Variants in CSMD1 observed in about 807,000 individuals in gnomAD.
CSMD1 encodes the protein CUB and Sushi multiple domains 1, also known as CUB and sushi domain-containing protein 1.
CSMD1 carries 213 observed loss-of-function variants against 417.5 expected under a neutral mutation model. That is an observed-to-expected ratio of 0.51 (90% CI 0.46 to 0.57). The LOEUF is 0.57. Among genes scored for constraint, CSMD1 ranks in the 20% least tolerant of loss-of-function variants. The pLI, the probability that CSMD1 is intolerant of heterozygous loss-of-function variation, is 0.00. For missense variants in CSMD1, 6,923 were observed against 4,529.7 expected (o/e 1.53, Z -15.17); for synonymous variants, 2,862 against 1,736.8 (o/e 1.65, Z -16.11).
In CSMD1 at chr8:3,087,080, G is replaced by A. The variant is rs753217965; in HGVS notation, c.7474+17C>T. ...ATACACAGGAAACAAGGCTGGGGAT[G>A]AAAACGCATTTCTTACCCTGGCAGA... On this transcript the variant is annotated intron_variant, in intron 49 of 69. Transcript: ENST00000635120. 1.2e-6 allele frequency: 2 copies of A among 1,607,964 alleles called. No individual in the cohort carries two copies. The highest frequency in any genetic ancestry group is 1.1e-5 in the South Asian group (1 of 90,896).
rs114591376 is a variant in CSMD1, at chr8:3,842,282, G to C, written c.819-88240C>G. Among the ~76,000 whole-genome samples the C allele has an allele frequency of 3.7e-3, 567 of 152,050 alleles. 3 individuals are homozygous for C. The highest frequency in any genetic ancestry group is 0.013 in the African/African-American group (531 of 41,486). ...AAACTAATTCCCAATCTTCTTATGAGGTTCTTTCACTTTTCATTCCAGTAG... is the reference window on the plus strand; with the variant it reads ...AAACTAATTCCCAATCTTCTTATGACGTTCTTTCACTTTTCATTCCAGTAG... On this transcript the variant is annotated intron_variant, in intron 5 of 69. Coordinates refer to ENST00000635120, the MANE Select transcript of CSMD1 (RefSeq NM_033225.6).
At chr8:4,947,970 T>A (rs1808478520) in intron 1 of CSMD1, among the ~76,000 whole-genome samples, 2 of 152,088 alleles carry the variant, frequency 1.3e-5, no homozygotes, top group Non-Finnish European at 1.5e-5. Flanking sequence ...TTTTTTAAGA[T>A]ATCCATAAAA....
At chr8:3,275,643 T>C (rs948790923) in intron 26 of CSMD1, among the ~76,000 whole-genome samples, 1 of 152,192 alleles carries the variant, frequency 6.6e-6, no homozygotes. Context: ...TATTCTTTTT[T>C]CTCTAAACTT....
chr8:3,988,071 A>T (rs909168281), intron 5 of CSMD1, among the ~76,000 whole-genome samples: 1 of 152,226 alleles, frequency 6.6e-6, no homozygotes, highest in Admixed American at 6.5e-5. Context: ...CTAAAAACAT[A>T]GGGAAGCTGT....
chr8:4,364,299 T>C (rs1025604137), intron 3 of CSMD1, among the ~76,000 whole-genome samples: 1 of 152,152 alleles, frequency 6.6e-6, no homozygotes, highest in Admixed American at 6.5e-5. Context: ...AAGGGGAACA[T>C]TAAGGTCCTC....
Position 3,714,045 on chromosome 8 carries a change from T to TAGATAGATAGATAGAC in CSMD1, c.932-5555_932-5554insGTCTATCTATCTATCT, listed in dbSNP as rs1554519414. 2.3e-3 allele frequency among the ~76,000 whole-genome samples: 350 copies of TAGATAGATAGATAGAC among 151,428 alleles called. 1 individual carries two copies. The highest frequency in any genetic ancestry group is 3.0e-3 in the Non-Finnish European group (204 of 67,848). On this transcript the variant is annotated intron_variant, in intron 6 of 69. Coordinates refer to ENST00000635120, the MANE Select transcript of CSMD1 (RefSeq NM_033225.6). ...CTATGCAGATAGATAGATAGATAGA[T>TAGATAGATAGATAGAC]AGATAGATAGATAGATGTCCACATA...
intron 3 of CSMD1, among the ~76,000 whole-genome samples, chr8:4,355,997 C>G (rs1462432901): frequency 6.6e-6 from 1 of 152,096 alleles, no homozygotes; most frequent in African/African-American, 2.4e-5. Context: ...TATTGGGGTA[C>G]ATGTGGCATT....
chr8:3,898,776 C>G (rs879197144), intron 5 of CSMD1, among the ~76,000 whole-genome samples: 1 of 152,082 alleles, frequency 6.6e-6, no homozygotes, highest in Non-Finnish European at 1.5e-5. Context: ...TTGAGGAAGA[C>G]CTTCTCTAAA....
intron 1 of CSMD1, among the ~76,000 whole-genome samples, chr8:4,848,571 C>A (rs1471307317): frequency 1.3e-5 from 2 of 151,344 alleles, no homozygotes; most frequent in African/African-American, 4.9e-5. Flanking sequence ...CGGAGTCTCA[C>A]TCTGTCACCC....
chr8:4,915,266 C>A (rs1805973312), intron 1 of CSMD1, among the ~76,000 whole-genome samples: 1 of 152,036 alleles, frequency 6.6e-6, no homozygotes, highest in Non-Finnish European at 1.5e-5. Flanking sequence ...CACAAATACT[C>A]CAATTCATAG....
At chr8:4,719,386 T>C (rs1199842371) in intron 1 of CSMD1, among the ~76,000 whole-genome samples, 1 of 152,184 alleles carries the variant, frequency 6.6e-6, no homozygotes, top group Non-Finnish European at 1.5e-5. Context: ...TTTCTCTCCC[T>C]CCCTTCCTGC....
At chr8:3,770,418 A>T (rs1158691831) in intron 5 of CSMD1, among the ~76,000 whole-genome samples, 1 of 152,020 alleles carries the variant, frequency 6.6e-6, no homozygotes, top group East Asian at 1.9e-4. Flanking sequence ...AATTCCAGCT[A>T]CTCGAGAGGC....
chr8:3,179,196 T>C (rs181989603), intron 37 of CSMD1, among the ~76,000 whole-genome samples: 3,249 of 150,892 alleles, frequency 0.022, 72 homozygotes, highest in African/African-American at 0.054. Context: ...CTGCCCGCCT[T>C]GGCCTCCCAA....
At chr8:3,711,102 T>C (rs758165756) in intron 6 of CSMD1, among the ~76,000 whole-genome samples, 8 of 152,156 alleles carry the variant, frequency 5.3e-5, no homozygotes, top group Non-Finnish European at 1.2e-4. Context: ...CCTATAGCAA[T>C]ATTTTCCCCA....
At chr8:2,970,089 T>G (rs991182706) in intron 57 of CSMD1, among the ~76,000 whole-genome samples, 1 of 152,202 alleles carries the variant, frequency 6.6e-6, no homozygotes, top group Non-Finnish European at 1.5e-5. Flanking sequence ...GAAAGCAAAA[T>G]AAAATTTTTA....
intron 1 of CSMD1, among the ~76,000 whole-genome samples, chr8:4,727,248 T>C (rs1232292547): frequency 6.6e-6 from 1 of 152,160 alleles, no homozygotes; most frequent in Non-Finnish European, 1.5e-5. Context: ...GCATTTCTGT[T>C]TTCACATTAA....
At chr8:4,284,352 G>A (rs1343514994) in intron 3 of CSMD1, among the ~76,000 whole-genome samples, 2 of 152,064 alleles carry the variant, frequency 1.3e-5, no homozygotes, top group East Asian at 3.9e-4. Flanking sequence ...TGGGGGACAA[G>A]AGAGAAACTA....
intron 50 of CSMD1, among the ~76,000 whole-genome samples, chr8:3,050,078 C>A (rs180852486): frequency 1.3e-5 from 2 of 148,998 alleles, no homozygotes; most frequent in East Asian, 4.0e-4. Flanking sequence ...ATATACTTGA[C>A]ATTTTATGCA....
intron 2 of CSMD1, among the ~76,000 whole-genome samples, chr8:4,619,579 A>T (rs1039294009): frequency 6.6e-6 from 1 of 152,148 alleles, no homozygotes; most frequent in Admixed American, 6.5e-5. Context: ...TGATTTGCTC[A>T]CCAGATACAT....
Sources: allele counts gnomAD v4.1 joint callset (sites outside exome capture counted in the v4.1 genomes callset), GRCh38; gene constraint gnomAD v4.1.1; transcripts MANE v1.5; gene names NCBI Gene and HGNC (gene_info 2026-07-23, HGNC 2026-07-21).